The following TUBB8B variants were observed in gnomAD, a reference collection of about 807,000 sequenced individuals.
The protein encoded by TUBB8B is HSA18p11 beta-tubulin 4Q pseudogene.
TUBB8B carries 26 observed loss-of-function variants against 31.9 expected under a neutral mutation model. The ratio of observed to expected loss-of-function variants is 0.81; its 90% CI spans 0.60 to 1.13. TUBB8B has a LOEUF of 1.13. Ranked by LOEUF, TUBB8B falls within the 50% of genes most tolerant of loss-of-function variation. The pLI is 0.00. For missense variants in TUBB8B, 467 were observed against 586.7 expected, an observed-to-expected ratio of 0.80 and a Z score of 2.11; for synonymous variants, 173 against 231.0, an observed-to-expected ratio of 0.75 and a Z score of 2.28.
At chr18:52,882 G>C (rs553682145), upstream of TUBB8B, among the ~76,000 whole-genome samples, 2 of 151,828 alleles carry the variant, frequency 1.3e-5, no homozygotes, top group East Asian at 3.9e-4. Context: ...TAACTATAAA[G>C]AGAAAGAGTT....
the TUBB8B span, among the ~76,000 whole-genome samples, chr18:56,969 T>C: frequency 6.6e-6 from 1 of 151,812 alleles, no homozygotes; most frequent in Admixed American, 6.6e-5. Context: ...CATGAAAACT[T>C]ACTATTGTGA....
chr18:70,618 G>A, the TUBB8B span, among the ~76,000 whole-genome samples: 10 of 152,106 alleles, frequency 6.6e-5, no homozygotes, highest in Admixed American at 6.6e-5. Flanking sequence ...CTGAGCAACA[G>A]AGTGAGACTG....
chr18:56,881 T>C, the TUBB8B span, among the ~76,000 whole-genome samples: 1 of 151,740 alleles, frequency 6.6e-6, no homozygotes, highest in Non-Finnish European at 1.5e-5. Context: ...AGGTGAAAAA[T>C]AAATCTGGTG....
At chr18:72,196 A>AAAAAAAAAACAAAAAAAAAAAAAAAAAC in the TUBB8B span, among the ~76,000 whole-genome samples, 1 of 84,536 alleles carries the variant, frequency 1.2e-5, no homozygotes, top group East Asian at 1.2e-3. Context: ...AAAAAAAAAA[A>AAAAAAAAAACAAAAAAAAAAAAAAAAAC]AAAGGAAAAA....
chr18:57,013 C>T, the TUBB8B span, among the ~76,000 whole-genome samples: 15 of 151,950 alleles, frequency 9.9e-5, 1 homozygote, highest in Admixed American at 9.8e-4. Context: ...CCAAACTGTT[C>T]ATGGAAATCC....
upstream of TUBB8B, among the ~76,000 whole-genome samples, chr18:53,522 T>C (rs1005858379): frequency 1.3e-4 from 19 of 151,926 alleles, no homozygotes; most frequent in African/African-American, 4.6e-4. Context: ...CAGGCTGGAG[T>C]GTGGGGCACC....
At position 49,538 on chromosome 18, in the gene TUBB8B, G is replaced by C. The variant is rs201650431; in HGVS notation, c.20C>G (p.Thr7Arg). The change falls in exon 1 of 4, where the codon ACG becomes AGG. Residue 7 changes from threonine (T) to arginine (R), a missense_variant. Physicochemically the swap from Thr to Arg is moderately conservative, Grantham distance 71 (BLOSUM62 -1). This residue lies in a region of TUBB8B where 259 missense variants were observed against 380.1 expected (regional missense o/e 0.68). Coordinates refer to ENST00000308911, the MANE Select transcript of TUBB8B (RefSeq NM_001358689.2). MREIVL[T>R]QTGQCGNQIG... is the part of the protein sequence containing the mutation. ...CTGGTTCCCGCACTGCCCGGTCTGCGTGAGCACGATTTCCCTCATGGCCAA... is the reference window on the plus strand; with the variant it reads ...CTGGTTCCCGCACTGCCCGGTCTGCCTGAGCACGATTTCCCTCATGGCCAA... 13 of 915,906 alleles carry C rather than the reference G, an allele frequency of 1.4e-5. No individual in the cohort carries two copies. Among genetic ancestry groups the C allele is most frequent in the African/African-American group, 3.3e-5 (2 of 60,496 alleles). The allele number at this position is 915,906 out of a possible 1,614,324, so 56.7% of individuals were successfully genotyped here. A position where few individuals can be genotyped will look rare whatever the true frequency, so the allele number is the denominator to read the frequency against.
chr18:63,103 T>C, the TUBB8B span, among the ~76,000 whole-genome samples: 1 of 151,866 alleles, frequency 6.6e-6, no homozygotes, highest in Admixed American at 6.6e-5. Flanking sequence ...AAAGGTCACA[T>C]ATCTCTATTT....
chr18:60,726 C>G, the TUBB8B span, among the ~76,000 whole-genome samples: 3 of 151,650 alleles, frequency 2.0e-5, no homozygotes, highest in Non-Finnish European at 4.4e-5. Context: ...ACCTACTGAT[C>G]ATTAAAGAGC....
At chr18:53,595 A>C (rs1600581546), upstream of TUBB8B, among the ~76,000 whole-genome samples, 1 of 151,878 alleles carries the variant, frequency 6.6e-6, no homozygotes, top group East Asian at 1.9e-4. Flanking sequence ...CAGCCTCCCA[A>C]GTAGCTGGGA....
At chr18:63,249 TG>T in the TUBB8B span, among the ~76,000 whole-genome samples, 2 of 151,898 alleles carry the variant, frequency 1.3e-5, no homozygotes, top group East Asian at 3.9e-4. Flanking sequence ...CTTCACAGTC[TG>T]GGCTTCTTTG....
chr18:50,375 C>G (rs1203276411), upstream of TUBB8B: 1 of 159,074 alleles, frequency 6.3e-6, no homozygotes, highest in Admixed American at 6.2e-5. Context: ...ATATTTGAAT[C>G]TCCTGCAGAA....
the TUBB8B span, among the ~76,000 whole-genome samples, chr18:68,826 T>G: frequency 6.6e-6 from 1 of 152,164 alleles, no homozygotes; most frequent in East Asian, 1.9e-4. Context: ...TCAACCCCAG[T>G]GGCCTGCAGT....
upstream of TUBB8B, chr18:50,324 G>A (rs1906031467): frequency 5.7e-6 from 1 of 176,418 alleles, no homozygotes; most frequent in South Asian, 1.3e-4. Context: ...GGTGGGGAAT[G>A]CCTCGATCTA....
At chr18:59,924 T>C in the TUBB8B span, among the ~76,000 whole-genome samples, 2 of 151,836 alleles carry the variant, frequency 1.3e-5, no homozygotes, top group Non-Finnish European at 2.9e-5. Context: ...TAAATTCCAC[T>C]TGGTCATTAT....
At chr18:66,244 A>T in the TUBB8B span, among the ~76,000 whole-genome samples, 1 of 152,326 alleles carries the variant, frequency 6.6e-6, no homozygotes, top group African/African-American at 2.4e-5. Context: ...AGAAAGAAAA[A>T]GAAATTACAT....
the TUBB8B span, among the ~76,000 whole-genome samples, chr18:70,550 G>A: frequency 2.0e-5 from 3 of 152,190 alleles, no homozygotes; most frequent in Admixed American, 1.3e-4. Flanking sequence ...AAGGAGAATC[G>A]CTTGAGTCCA....
the TUBB8B span, among the ~76,000 whole-genome samples, chr18:70,763 C>T: frequency 6.6e-6 from 1 of 151,818 alleles, no homozygotes; most frequent in African/African-American, 2.4e-5. Context: ...ACAAGCCTGA[C>T]CAATATGGTG....
chr18:56,182 G>T, the TUBB8B span, among the ~76,000 whole-genome samples: 2 of 151,670 alleles, frequency 1.3e-5, no homozygotes, highest in African/African-American at 4.8e-5. Flanking sequence ...CATTCCATTT[G>T]TCTTTATGTC....
Sources: allele counts gnomAD v4.1 joint callset (sites outside exome capture counted in the v4.1 genomes callset), GRCh38; gene constraint gnomAD v4.1.1; regional missense constraint gnomAD v4.1.1; transcripts MANE v1.5; gene names NCBI Gene and HGNC (gene_info 2026-07-23, HGNC 2026-07-21).